The following GET4 variants were observed in gnomAD, a reference collection of about 807,000 sequenced individuals.
GET4 encodes Golgi to ER traffic protein 4 homolog.
Under a neutral mutation model 40.0 loss-of-function variants are expected in GET4, and 20 were observed. The ratio of observed to expected loss-of-function variants is 0.50; its 90% confidence interval spans 0.35 to 0.73. The LOEUF is 0.73. GET4 is among the 30% of genes least tolerant of loss of function. The probability of loss-of-function intolerance (pLI) is 0.01; values close to 1 mark genes in which losing one functional copy is unlikely to be tolerated. For missense variants in GET4, 557 were observed against 454.0 expected (o/e 1.23, Z -2.06); for synonymous variants, 280 against 194.6 (o/e 1.44, Z -3.65).
intron 4 of GET4, among the ~76,000 whole-genome samples, chr7:888,870 G>A (rs1562895989): frequency 6.6e-6 from 1 of 152,364 alleles, no homozygotes; most frequent in East Asian, 1.9e-4. Flanking sequence ...GGCAGGAGCT[G>A]CCCCCACCCC....
intron 3 of GET4, 171 bp from the exon 4 acceptor site, chr7:887,199 G>A (rs772654181): frequency 5.1e-6 from 4 of 789,052 alleles, no homozygotes; most frequent in Non-Finnish European, 9.2e-6. Context: ...ACATGGCGCT[G>A]GAACTGCGGT....
intron 1 of GET4, 47 bp from the exon 2 acceptor site, chr7:886,009 G>T: frequency 9.0e-7 from 1 of 1,117,230 alleles, no homozygotes; most frequent in Non-Finnish European, 1.4e-6. Context: ...GGGGAGCGCG[G>T]TGGCGAGGGC....
At chr7:891,230 A>G (rs999926858) in intron 5 of GET4, among the ~76,000 whole-genome samples, 164 bp downstream of exon 5, 1 of 152,202 alleles carries the variant, frequency 6.6e-6, no homozygotes, top group African/African-American at 2.4e-5. Flanking sequence ...ATGATTTTTC[A>G]TAAGTTTAAC....
In GET4 at chr7:890,929, A is replaced by G. The variant is rs1484069173; in HGVS notation, c.468A>G (p.Glu156=). The G allele has an allele frequency of 1.2e-6, 2 of 1,603,790 alleles. No homozygotes were observed. The highest frequency in any genetic ancestry group is 2.2e-5 in the East Asian group (1 of 44,816). The change falls in exon 5 of 9, where the codon GAA becomes GAG. Residue 156 remains glutamate (E), a splice_region_variant and synonymous_variant. Coordinates refer to ENST00000265857, the MANE Select transcript of GET4 (RefSeq NM_015949.3). ...CATTTTTCTGTCTTTCCTTTGCAGAACAAAACTATTGTGAGTCGAGGTATC... is the reference window on the plus strand; with the variant it reads ...CATTTTTCTGTCTTTCCTTTGCAGAGCAAAACTATTGTGAGTCGAGGTATC... ...HQLLALTLWK[E]QNYCESRYHF...
rs1583102233 is a variant in GET4 at position 893,686 on chromosome 7, T to A, written c.747-54T>A. 3 of 1,198,346 alleles carry A rather than the reference T, an allele frequency of 2.5e-6. No homozygotes were observed. In the South Asian group the frequency reaches 3.8e-5, roughly 15 times the overall value. 74.2% of individuals were successfully genotyped at this position (1,198,346 alleles called of 1,614,324 possible). On this transcript the variant is annotated intron_variant, in intron 6 of 8. Coordinates refer to ENST00000265857, the MANE Select transcript of GET4 (RefSeq NM_015949.3). ...GCGCAGGCGCGGTGGTTTGTGCAGG[T>A]GAGTGTGGTCCTGTTCTGCTCACCC...
intron 1 of GET4, chr7:884,228 T>A (rs1453489747): frequency 7.7e-7 from 1 of 1,304,088 alleles, no homozygotes; most frequent in Non-Finnish European, 1.0e-6. Context: ...GTGGCCCCAC[T>A]GGCGGCATCG....
At chr7:887,716 AGGG>A (rs1844220496) in intron 4 of GET4, among the ~76,000 whole-genome samples, 197 bp downstream of exon 4, 1 of 152,154 alleles carries the variant, frequency 6.6e-6, no homozygotes, top group African/African-American at 2.4e-5. Flanking sequence ...AGCTGCGAGA[AGGG>A]GGGCAGGCGG....
At chr7:877,486 C>T (rs1843985322) in intron 1 of GET4, among the ~76,000 whole-genome samples, 1 of 77,204 alleles carries the variant, frequency 1.3e-5, no homozygotes, top group African/African-American at 5.5e-5. Context: ...TCTCCCTGTC[C>T]TCCCTCTGCC....
rs951445971 is a variant in GET4 at position 895,641 on chromosome 7, G to A, written c.*219G>A. 1.6e-4 allele frequency: 69 copies of A among 420,722 alleles called. No homozygotes were observed. The highest frequency in any genetic ancestry group is 3.2e-4 in the South Asian group (8 of 25,024). 26.1% of individuals were successfully genotyped at this position (420,722 alleles called of 1,614,324 possible). ...GAGTGGGGCGTCGCCCCTGCTGGCCGCCGCGTCCCCCGAGATTGACCCACA... is the reference window on the plus strand; with the variant it reads ...GAGTGGGGCGTCGCCCCTGCTGGCCACCGCGTCCCCCGAGATTGACCCACA... On this transcript the variant is annotated 3_prime_UTR_variant, in exon 9 of 9. Transcript: ENST00000265857.
At chr7:878,218 G>C in intron 1 of GET4, 6 of 469,844 alleles carry the variant, frequency 1.3e-5, no homozygotes, top group South Asian at 9.3e-5. Flanking sequence ...TCGGGACTGT[G>C]ACCGCTTGGA....
rs374735615 is a variant in GET4 at position 891,031 on chromosome 7, C to T, written c.570C>T (p.Ser190=). 38 of 1,609,744 alleles carry T rather than the reference C, an allele frequency of 2.4e-5. No homozygotes were observed. Among genetic ancestry groups the T allele is most frequent in the Admixed American group, 1.2e-4 (7 of 59,754 alleles). ...VEYSTSRGFR[S]EVDMFVAQAV... ...ATTCCACGTCCCGCGGCTTCCGCAG[C>T]GAGGTGGACATGTTCGTGGCCCAGG... The change falls in exon 5 of 9, where the codon AGC becomes AGT. Residue 190 remains serine, a synonymous_variant. Transcript: ENST00000265857.
chr7:894,940 C>G (rs1436094773), intron 8 of GET4, among the ~76,000 whole-genome samples: 1 of 152,160 alleles, frequency 6.6e-6, no homozygotes, highest in African/African-American at 2.4e-5. Context: ...CTGTAGGGCG[C>G]AGTGTGCTCT....
rs752030449 is a variant in GET4, at chr7:891,026, C to T, written c.565C>T (p.Arg189Cys). 1.2e-5 allele frequency: 19 copies of T among 1,610,184 alleles called. No homozygotes were observed. Among genetic ancestry groups the T allele is most frequent in the African/African-American group, 6.7e-5 (5 of 74,840 alleles). Residue 189 changes from arginine (R) to cysteine (C), a missense_variant, in exon 5 of 9, where the codon CGC becomes TGC. Arg to Cys is a radical substitution (Grantham distance 180). Coordinates refer to ENST00000265857, the MANE Select transcript of GET4 (RefSeq NM_015949.3). ...GGAGTATTCCACGTCCCGCGGCTTC[C>T]GCAGCGAGGTGGACATGTTCGTGGC... is the stretch of plus-strand genomic sequence containing the variant. ...LVEYSTSRGF[R>C]SEVDMFVAQA...
At chr7:890,782 A>G (rs1330591078) in intron 4 of GET4, 146 bp from the exon 5 acceptor site, 6 of 658,350 alleles carry the variant, frequency 9.1e-6, no homozygotes, top group East Asian at 5.5e-5. Context: ...CTGAGTCCCT[A>G]TCAGGACCTC....
intron 8 of GET4, among the ~76,000 whole-genome samples, 193 bp downstream of exon 8, chr7:894,164 A>G (rs1844413302): frequency 6.6e-6 from 1 of 152,186 alleles, no homozygotes; most frequent in Admixed American, 6.5e-5. Flanking sequence ...GGTGGCTCGC[A>G]GCCCCGTCTC....
At chr7:884,270 C>G (rs1473187982) in intron 1 of GET4, 2 of 1,304,012 alleles carry the variant, frequency 1.5e-6, no homozygotes, top group South Asian at 1.2e-5. Flanking sequence ...GCTTGTTTTT[C>G]CAGAGTGCCC....
chr7:879,019 CG>C (rs1844030502), intron 1 of GET4, among the ~76,000 whole-genome samples: 1 of 152,092 alleles, frequency 6.6e-6, no homozygotes, highest in East Asian at 1.9e-4. Flanking sequence ...TCACTCACAT[CG>C]GGGTGCATGC....
chr7:883,617 C>T (rs1167519944), intron 1 of GET4: 3 of 985,382 alleles, frequency 3.0e-6, no homozygotes, highest in East Asian at 1.1e-4. Flanking sequence ...ATTTCCCTAT[C>T]TGGAAGGCAC....
chr7:887,662 C>G (rs1306162030), intron 4 of GET4, 143 bp downstream of exon 4: 3 of 564,726 alleles, frequency 5.3e-6, no homozygotes, highest in Non-Finnish European at 8.2e-6. Flanking sequence ...CATGGAGACC[C>G]ATGCGCCATG....
Sources: gnomAD v4.1 joint callset for allele counts (sites outside exome capture counted in the v4.1 genomes callset) on GRCh38, gnomAD v4.1.1 for gene constraint, MANE v1.5 for transcripts, NCBI Gene and HGNC (gene_info 2026-07-23, HGNC 2026-07-21) for gene names.